The following DDX60L variants were observed in gnomAD, a reference collection of about 807,000 sequenced individuals.
DDX60L encodes probable ATP-dependent RNA helicase DDX60-like.
A neutral mutation model predicts 211.6 loss-of-function variants in DDX60L; 191 were observed. The ratio of observed to expected loss-of-function variants is 0.90; its 90% CI spans 0.80 to 1.02. The LOEUF (loss-of-function observed/expected upper bound fraction) is 1.02. Among genes scored for constraint, DDX60L ranks in the 50% least tolerant of loss-of-function variants. The pLI is 0.00. For synonymous variants in DDX60L, 706 were observed against 694.1 expected (o/e 1.02, Z -0.27); for missense variants, 2,007 against 1,984.1 (o/e 1.01, Z -0.22).
chr4:168,477,554 A>G (rs1019975950), intron 1 of DDX60L, among the ~76,000 whole-genome samples: 1 of 152,250 alleles, frequency 6.6e-6, no homozygotes, highest in African/African-American at 2.4e-5. Flanking sequence ...CAATTAAACC[A>G]TAACATACCA....
intron 1 of DDX60L, among the ~76,000 whole-genome samples, chr4:168,478,082 G>C (rs981948050): frequency 6.6e-6 from 1 of 151,660 alleles, no homozygotes; most frequent in African/African-American, 2.4e-5. Context: ...AGGAAGGGAA[G>C]CGAAGGGGAG....
At chr4:168,417,711 A>T (rs1749800654) in intron 19 of DDX60L, among the ~76,000 whole-genome samples, 2 of 152,226 alleles carry the variant, frequency 1.3e-5, no homozygotes, top group South Asian at 4.1e-4. Flanking sequence ...TCTAGCACAG[A>T]GTAGGTACTC....
chr4:168,394,832 A>C (rs1012204223), intron 27 of DDX60L, among the ~76,000 whole-genome samples: 2 of 152,320 alleles, frequency 1.3e-5, no homozygotes, highest in Admixed American at 6.5e-5. Flanking sequence ...TCATAAACCA[A>C]AGGGGAAGAT....
chr4:168,475,331 T>C (rs887908722), intron 1 of DDX60L, among the ~76,000 whole-genome samples: 2 of 152,230 alleles, frequency 1.3e-5, no homozygotes, highest in Non-Finnish European at 2.9e-5. Flanking sequence ...CTCTGACATA[T>C]GACCAATGTC....
rs1403760528 is a variant in DDX60L at position 168,391,646 on chromosome 4, T to C, written c.3811-2A>G. On this transcript the variant is annotated splice_acceptor_variant, in intron 28 of 37. Transcript: ENST00000682922. LOFTEE classifies it high-confidence loss of function. The stretch of plus-strand genomic sequence containing the variant: ...AAGTGTTTCAGTAGCTGTCACTACC[T>C]AGGAAAAAAAAAAAAAAACAGTCAA... The C allele has an allele frequency of 1.5e-6, 2 of 1,356,846 alleles. No homozygotes were observed. The highest frequency in any genetic ancestry group is 9.8e-7 in the Non-Finnish European group (1 of 1,017,776). The allele number at this position is 1,356,846 out of a possible 1,614,324, so 84.1% of individuals were successfully genotyped here.
At chr4:168,445,144 AG>A (rs1424767148) in intron 9 of DDX60L, among the ~76,000 whole-genome samples, 11 of 137,896 alleles carry the variant, frequency 8.0e-5, no homozygotes, top group Non-Finnish European at 1.1e-4. Context: ...AGACTAATAA[AG>A]AAAAAAAGAG....
intron 10 of DDX60L, 37 bp downstream of exon 10, chr4:168,441,300 C>A (rs1031558888): frequency 1.3e-6 from 2 of 1,535,860 alleles, no homozygotes; most frequent in South Asian, 1.2e-5. Flanking sequence ...TCAGGACAAA[C>A]ATGCTTTTGT....
At chr4:168,363,996 T>C (rs905442911) in intron 36 of DDX60L, among the ~76,000 whole-genome samples, 4 of 152,200 alleles carry the variant, frequency 2.6e-5, no homozygotes, top group African/African-American at 9.6e-5. Flanking sequence ...GGTGTGCACC[T>C]GTAGTCCTAG....
chr4:168,455,116 T>C (rs904015003), intron 7 of DDX60L, among the ~76,000 whole-genome samples: 3 of 152,096 alleles, frequency 2.0e-5, no homozygotes, highest in African/African-American at 7.2e-5. Flanking sequence ...AAATGGACAA[T>C]TTTCTCCTAT....
At chr4:168,397,837 C>T (rs985739799) in intron 26 of DDX60L, among the ~76,000 whole-genome samples, 12 of 152,180 alleles carry the variant, frequency 7.9e-5, no homozygotes, top group African/African-American at 2.9e-4. Context: ...GAAGTCCTGC[C>T]CACTTCTGAG....
rs749222089 is a variant in DDX60L, at chr4:168,471,863, A to G, written c.148T>C (p.Cys50Arg). 3.1e-6 allele frequency: 5 copies of G among 1,613,534 alleles called. No homozygotes were observed. The highest frequency in any genetic ancestry group is 4.2e-6 in the Non-Finnish European group (5 of 1,179,860). Reference sequence around the variant, plus strand: ...CACTTGAATGATTTTACACCCAGGCATGTGACAAGCAAGGAATCTCCATCA... The same window carrying G: ...CACTTGAATGATTTTACACCCAGGCGTGTGACAAGCAAGGAATCTCCATCA... ...VIDGDSLLVTCLGVKSFKWGQ... is the reference protein window; with the variant it reads ...VIDGDSLLVTRLGVKSFKWGQ... Residue 50 changes from cysteine to arginine, a missense_variant, in exon 4 of 38, where the codon TGC becomes CGC. Physicochemically the swap from Cys to Arg is radical, Grantham distance 180. Coordinates refer to ENST00000682922, the MANE Select transcript of DDX60L (RefSeq NM_001012967.3).
rs369024912 is a variant in DDX60L at position 168,394,463 on chromosome 4, A to G, written c.3810+2T>C. The G allele has an allele frequency of 2.5e-6, 4 of 1,594,816 alleles. No homozygotes were observed. The highest frequency in any genetic ancestry group is 3.4e-6 in the Non-Finnish European group (4 of 1,173,730). The stretch of plus-strand genomic sequence containing the variant: ...TTTTTAAATGCAAAGAAATTTACCT[A>G]CCCTAATAAGCCCTTTTACAAAGAG... On this transcript the variant is annotated splice_donor_variant, in intron 28 of 37. Coordinates refer to ENST00000682922, the MANE Select transcript of DDX60L (RefSeq NM_001012967.3). LOFTEE classifies it high-confidence loss of function.
rs768480932 is a variant in DDX60L, at chr4:168,448,684, T to C, written c.1092A>G (p.Gln364=). Residue 364 remains glutamine, a synonymous_variant, in exon 9 of 38, where the codon CAA becomes CAG. Transcript: ENST00000682922. ...AGTAGAAGGCTATATTCTTTAACAA[T>C]TGCTCATCATACAAGTCAGAAACAT... ...LNHVSDLYDE[Q]LLKNIAFYYE... 5 of 1,594,566 alleles carry C rather than the reference T, an allele frequency of 3.1e-6. No homozygotes were observed. In the South Asian group the frequency reaches 3.3e-5, roughly 11 times the overall value.
intron 21 of DDX60L, 59 bp downstream of exon 21, chr4:168,415,598 A>G: frequency 4.2e-6 from 6 of 1,430,580 alleles, no homozygotes; most frequent in Middle Eastern, 1.9e-4. Flanking sequence ...AAATCCCTAT[A>G]AAAAGCTTTG....
chr4:168,365,663 AT>A (rs1246590131), intron 36 of DDX60L, among the ~76,000 whole-genome samples: 3 of 151,880 alleles, frequency 2.0e-5, no homozygotes, highest in Non-Finnish European at 4.4e-5. Context: ...CTACTTCCAA[AT>A]TTTTTTTACA....
chr4:168,393,156 G>A (rs1488936535), intron 28 of DDX60L, among the ~76,000 whole-genome samples: 1 of 152,094 alleles, frequency 6.6e-6, no homozygotes, highest in Non-Finnish European at 1.5e-5. Flanking sequence ...TAAACAGCAA[G>A]AAACAACTTT....
chr4:168,405,828 T>G, intron 24 of DDX60L, 122 bp downstream of exon 24: 2 of 1,064,256 alleles, frequency 1.9e-6, no homozygotes, highest in Non-Finnish European at 2.6e-6. Context: ...CATGTTTAAA[T>G]GGAATTACTA....
At chr4:168,376,899 A>C (rs886498653) in intron 33 of DDX60L, among the ~76,000 whole-genome samples, 3 of 152,272 alleles carry the variant, frequency 2.0e-5, no homozygotes, top group Non-Finnish European at 4.4e-5. Flanking sequence ...TGACTAATAT[A>C]GAGCAGTTAT....
chr4:168,435,443 A>G (rs1579625824), intron 10 of DDX60L, among the ~76,000 whole-genome samples: 2 of 152,294 alleles, frequency 1.3e-5, no homozygotes, highest in South Asian at 2.1e-4. Context: ...CAACCTGACT[A>G]TTGGGCCTAT....
Sources: allele counts gnomAD v4.1 joint callset (sites outside exome capture counted in the v4.1 genomes callset), GRCh38; gene constraint gnomAD v4.1.1; transcripts MANE v1.5; gene names NCBI Gene and HGNC (gene_info 2026-07-23, HGNC 2026-07-21).